MGMT: variants seen among roughly 807,000 people sequenced by gnomAD.
The protein encoded by MGMT is methylated-DNA--protein-cysteine methyltransferase.
MGMT carries 14 observed loss-of-function variants against 15.9 expected under a neutral mutation model. The ratio of observed to expected loss-of-function variants is 0.88; its 90% CI spans 0.58 to 1.37. MGMT has a LOEUF of 1.37. Ranked by LOEUF, MGMT falls within the 40% of genes most tolerant of loss-of-function variation. The pLI is 0.00. For synonymous variants in MGMT, 130 were observed against 118.2 expected (o/e 1.10, Z -0.65); for missense variants, 282 against 268.1 (o/e 1.05, Z -0.36).
chr10:129,751,372 T>G (rs1848748812), intron 3 of MGMT, among the ~76,000 whole-genome samples: 1 of 152,006 alleles, frequency 6.6e-6, no homozygotes, highest in Admixed American at 6.5e-5. Flanking sequence ...TGGCAATATC[T>G]TCTCTTTTAT....
At position 129,554,225 on chromosome 10, in the gene MGMT, C is replaced by T. The variant is rs138763685; in HGVS notation, c.125+17848C>T. ...AGCACGCAGGTGATGACGGGTCATACGCCATCTGGGGACTTGATGCTCCTT... is the reference window on the plus strand; with the variant it reads ...AGCACGCAGGTGATGACGGGTCATATGCCATCTGGGGACTTGATGCTCCTT... On this transcript the variant is annotated intron_variant, in intron 2 of 4. Transcript: ENST00000651593. Among the ~76,000 whole-genome samples the T allele has an allele frequency of 1.8e-3, 267 of 152,326 alleles. 1 individual carries two copies. Among genetic ancestry groups the T allele is most frequent in the African/African-American group, 5.9e-3 (246 of 41,572 alleles).
intron 3 of MGMT, among the ~76,000 whole-genome samples, chr10:129,725,855 C>T (rs761461670): frequency 5.3e-5 from 8 of 152,354 alleles, no homozygotes; most frequent in Non-Finnish European, 1.2e-4. Flanking sequence ...GCCTAGGGTT[C>T]AATTCTGCTG....
chr10:129,508,082 G>A (rs1845643229), intron 1 of MGMT, among the ~76,000 whole-genome samples: 1 of 152,108 alleles, frequency 6.6e-6, no homozygotes, highest in Non-Finnish European at 1.5e-5. Flanking sequence ...CTTGGGTGGG[G>A]CTCCCTAATT....
At chr10:129,750,228 T>G (rs1848737675) in intron 3 of MGMT, among the ~76,000 whole-genome samples, 1 of 152,132 alleles carries the variant, frequency 6.6e-6, no homozygotes, top group South Asian at 2.1e-4. Context: ...ATTCTGAAAG[T>G]TTATGATTTT....
chr10:129,715,108 C>T (rs1848278891), intron 3 of MGMT, among the ~76,000 whole-genome samples: 1 of 152,140 alleles, frequency 6.6e-6, no homozygotes, highest in South Asian at 2.1e-4. Context: ...ACTTCCAAAC[C>T]TTGGTGGACA....
At chr10:129,610,570 AT>A (rs1846948399) in intron 2 of MGMT, among the ~76,000 whole-genome samples, 1 of 152,086 alleles carries the variant, frequency 6.6e-6, no homozygotes, top group Non-Finnish European at 1.5e-5. Context: ...TCCTTGCTCT[AT>A]TTTTTACCAA....
At chr10:129,531,535 C>G (rs1002723732) in intron 1 of MGMT, among the ~76,000 whole-genome samples, 1 of 152,108 alleles carries the variant, frequency 6.6e-6, no homozygotes, top group Non-Finnish European at 1.5e-5. Flanking sequence ...CCTGCTAGGT[C>G]AGCCCTGGGC....
intron 3 of MGMT, among the ~76,000 whole-genome samples, chr10:129,713,770 C>T (rs1245281908): frequency 6.6e-6 from 1 of 152,132 alleles, no homozygotes; most frequent in South Asian, 2.1e-4. Context: ...TTTACTTACA[C>T]CAGCCCTGCC....
intron 3 of MGMT, among the ~76,000 whole-genome samples, chr10:129,733,127 C>T (rs1201908035): frequency 1.8e-4 from 26 of 141,358 alleles, no homozygotes; most frequent in Admixed American, 8.7e-4. Context: ...CCTGAGGAAT[C>T]GCCACACTGA....
chr10:129,651,745 T>G (rs1259895286), intron 2 of MGMT, among the ~76,000 whole-genome samples: 1 of 152,212 alleles, frequency 6.6e-6, no homozygotes, highest in Non-Finnish European at 1.5e-5. Context: ...GTATTTGGTT[T>G]GATTAAAGAC....
chr10:129,580,974 A>C (rs1846547908), intron 2 of MGMT, among the ~76,000 whole-genome samples: 1 of 152,244 alleles, frequency 6.6e-6, no homozygotes. Flanking sequence ...CTGACATGGC[A>C]CAGGAATCAA....
At position 129,768,664 on chromosome 10, in the gene MGMT, C is replaced by T. The variant is rs1325615896; in HGVS notation, c.*1667C>T. 2.6e-5 allele frequency among the ~76,000 whole-genome samples: 4 copies of T among 152,254 alleles called. No individual in the cohort carries two copies. The highest frequency in any genetic ancestry group is 9.6e-5 in the African/African-American group (4 of 41,480). On this transcript the variant is annotated 3_prime_UTR_variant, in exon 5 of 5. Coordinates refer to ENST00000651593, the MANE Select transcript of MGMT (RefSeq NM_002412.5). ...AGAAGCTTCTGGCTCTCCAAGGCAG[C>T]AGCTTGGGGCCTGGTGGCCCGGGTG...
intron 2 of MGMT, among the ~76,000 whole-genome samples, chr10:129,624,577 A>G (rs1392527339): frequency 6.6e-6 from 1 of 152,254 alleles, no homozygotes; most frequent in Non-Finnish European, 1.5e-5. Flanking sequence ...AAACCTACAC[A>G]GGGAAGACAC....
At chr10:129,505,620 C>G (rs1295152359) in intron 1 of MGMT, among the ~76,000 whole-genome samples, 2 of 152,148 alleles carry the variant, frequency 1.3e-5, no homozygotes, top group Non-Finnish European at 2.9e-5. Flanking sequence ...CTGATACATC[C>G]AGTATCTCAA....
intron 1 of MGMT, among the ~76,000 whole-genome samples, chr10:129,497,523 T>C (rs781134515): frequency 6.6e-6 from 1 of 152,208 alleles, no homozygotes; most frequent in East Asian, 1.9e-4. Flanking sequence ...GTTGCACAAA[T>C]AGCACAAAGT....
At position 129,566,130 on chromosome 10, in the gene MGMT, C is replaced by A. The variant is rs1046024634; in HGVS notation, c.125+29753C>A. On this transcript the variant is annotated intron_variant, in intron 2 of 4. Transcript: ENST00000651593. This position sits in a 1 kb window ranked among gnomAD's most constrained non-coding sequence, Gnocchi z 4.1. ...CCAGCTCTCCAGGGCTGGGGACTTGCTAGAGCAGGGTTCCCAGTGCCCCCA... is the reference window on the plus strand; with the variant it reads ...CCAGCTCTCCAGGGCTGGGGACTTGATAGAGCAGGGTTCCCAGTGCCCCCA... Among the ~76,000 whole-genome samples the A allele has an allele frequency of 6.6e-6, 1 of 152,168 alleles. No homozygotes were observed. Among genetic ancestry groups the A allele is most frequent in the African/African-American group, 2.4e-5 (1 of 41,458 alleles).
At chr10:129,653,521 A>G (rs1395401332) in intron 2 of MGMT, among the ~76,000 whole-genome samples, 5 of 152,238 alleles carry the variant, frequency 3.3e-5, no homozygotes, top group Non-Finnish European at 7.3e-5. Flanking sequence ...TGCTGCAGAG[A>G]TGGCCCGTGT....
At chr10:129,587,190 T>C (rs556377042) in intron 2 of MGMT, among the ~76,000 whole-genome samples, 1 of 152,170 alleles carries the variant, frequency 6.6e-6, no homozygotes, top group East Asian at 1.9e-4. Context: ...ACCATCTGGC[T>C]CATTTTTTGG....
At chr10:129,511,485 T>C (rs1470460685) in intron 1 of MGMT, among the ~76,000 whole-genome samples, 1 of 152,234 alleles carries the variant, frequency 6.6e-6, no homozygotes, top group Non-Finnish European at 1.5e-5. Context: ...CGCAGCCACG[T>C]GCTTCTTGTA....
Sources: gnomAD v4.1 joint callset for allele counts (sites outside exome capture counted in the v4.1 genomes callset) on GRCh38, gnomAD v4.1.1 for gene constraint, Gnocchi (gnomAD v3.1) non-coding constraint, MANE v1.5 for transcripts, NCBI Gene and HGNC (gene_info 2026-07-23, HGNC 2026-07-21) for gene names.